Variants in C1orf167 observed in about 807,000 individuals in gnomAD.
C1orf167 encodes the protein chromosome 1 open reading frame 167.
A neutral mutation model predicts 176.5 loss-of-function variants in C1orf167; 153 were observed. The ratio of observed to expected loss-of-function variants is 0.87; its 90% CI spans 0.76 to 0.99. The LOEUF (loss-of-function observed/expected upper bound fraction) is 0.99, where lower values mean the gene tolerates loss of function less well. C1orf167 is among the 50% of genes least tolerant of loss of function. C1orf167 has a pLI of 0.00. For missense variants in C1orf167, 1,490 were observed against 1,817.7 expected (o/e 0.82, Z 3.28); for synonymous variants, 594 against 752.7 (o/e 0.79, Z 3.45).
Position 11,766,869 on chromosome 1 carries a change from T to C in C1orf167, c.1083T>C (p.Ser361=). ...LGSGDSCSPW[S]QDGRAQRGDP... ...CAGGGGACAGCTGCTCCCCCTGGTCTCAAGATGGCAGGGCACAGAGGGGTG... is the reference window on the plus strand; with the variant it reads ...CAGGGGACAGCTGCTCCCCCTGGTCCCAAGATGGCAGGGCACAGAGGGGTG... The change falls in exon 3 of 21, where the codon TCT becomes TCC. Residue 361 remains serine, a synonymous_variant. Coordinates refer to ENST00000688073, the MANE Select transcript of C1orf167 (RefSeq NM_001010881.2). This position sits in a 1 kb window ranked among gnomAD's most constrained non-coding sequence, Gnocchi z 4.5. The C allele has an allele frequency of 1.6e-6, 2 of 1,274,490 alleles. No individual in the cohort carries two copies. The highest frequency in any genetic ancestry group is 2.5e-5 in the South Asian group (2 of 79,134). The allele number at this position is 1,274,490 out of a possible 1,614,324, so 78.9% of individuals were successfully genotyped here.
intron 12 of C1orf167, 90 bp from the exon 13 acceptor site, chr1:11,779,711 TG>T: frequency 9.9e-7 from 1 of 1,005,700 alleles, no homozygotes; most frequent in Non-Finnish European, 1.3e-6. Flanking sequence ...CTCCTGCTGC[TG>T]GGGAGAGGAA....
In C1orf167 at chr1:11,762,215, CTGCCG is replaced by C; in HGVS notation, c.-160_-156del. ...TCCGACGTCCCCTCCCGCCCGCGAC[CTGCCG>C]ACCTGCGGGGATCGTTAGCGGTCCC... On this transcript the variant is annotated 5_prime_UTR_variant, in exon 1 of 21. Transcript: ENST00000688073. 2.2e-6 allele frequency: 1 copy of C among 447,764 alleles called. No homozygotes were observed. Among genetic ancestry groups the C allele is most frequent in the Non-Finnish European group, 4.5e-6 (1 of 220,756 alleles). The allele number at this position is 447,764 out of a possible 1,614,324, so 27.7% of individuals were successfully genotyped here.
In C1orf167 at chr1:11,784,197, T is replaced by C; in HGVS notation, c.3029T>C (p.Val1010Ala). Residue 1010 changes from valine to alanine, a missense_variant, in exon 15 of 21, where the codon GTT becomes GCT. Transcript: ENST00000688073. Reference sequence around the variant, plus strand: ...AGCTACTTCCAGGCCTGGTGTGAGGTTGTAAGAGACACGGGGGTGCTCCGG... The same window carrying C: ...AGCTACTTCCAGGCCTGGTGTGAGGCTGTAAGAGACACGGGGGTGCTCCGG... ...LQSYFQAWCE[V>A]VRDTGVLRAQ... 1 of 1,253,500 alleles carries C rather than the reference T, an allele frequency of 8.0e-7. No individual in the cohort carries two copies. Among genetic ancestry groups the C allele is most frequent in the Non-Finnish European group, 1.0e-6 (1 of 962,720 alleles). 77.6% of individuals were successfully genotyped at this position (1,253,500 alleles called of 1,614,324 possible).
intron 1 of C1orf167, among the ~76,000 whole-genome samples, chr1:11,762,772 G>T (rs1344390198): frequency 6.6e-6 from 1 of 152,214 alleles, no homozygotes. Context: ...CCTGCTGGGG[G>T]TCAGGCATTG....
intron 19 of C1orf167, 61 bp from the exon 20 acceptor site, chr1:11,788,591 G>C: frequency 2.4e-6 from 3 of 1,260,544 alleles, no homozygotes; most frequent in South Asian, 2.5e-5. Context: ...AAAGGCAGAA[G>C]GGCTGGGGAC....
chr1:11,772,051 T>C, intron 7 of C1orf167, 31 bp from the exon 8 acceptor site: 1 of 1,283,526 alleles, frequency 7.8e-7, no homozygotes, highest in Non-Finnish European at 1.0e-6. Flanking sequence ...GCTTACTCTC[T>C]CTTTTCTCTC....
rs1643263858 is a variant in C1orf167 at position 11,775,396 on chromosome 1, C to T, written c.1989-39C>T. On this transcript the variant is annotated intron_variant, in intron 8 of 20. Transcript: ENST00000688073. ...GCAGCTGGAGCCGCAGTCATCAGAT[C>T]TTGCAATTGACATGGGTACTTTCCC... is the stretch of plus-strand genomic sequence containing the variant. 4 of 1,255,910 alleles carry T rather than the reference C, an allele frequency of 3.2e-6. No individual in the cohort carries two copies. The South Asian group carries it at 5.5e-5, about 17-fold the overall frequency. 77.8% of individuals were successfully genotyped at this position (1,255,910 alleles called of 1,614,324 possible).
At chr1:11,769,332 C>T (rs992582805) in intron 6 of C1orf167, among the ~76,000 whole-genome samples, 6 of 152,190 alleles carry the variant, frequency 3.9e-5, no homozygotes, top group Admixed American at 3.9e-4. Flanking sequence ...CACCTATAAT[C>T]CCAACACTTT....
chr1:11,764,663 T>G (rs1281994889), intron 2 of C1orf167, among the ~76,000 whole-genome samples, 193 bp downstream of exon 2: 1 of 151,234 alleles, frequency 6.6e-6, no homozygotes, highest in Admixed American at 6.6e-5. Flanking sequence ...CTTGGGAGAG[T>G]GAGGTCAGGA....
rs1007773338 is a variant in C1orf167, at chr1:11,769,006, C to A, written c.1576C>A (p.Gln526Lys). The stretch of plus-strand genomic sequence containing the variant: ...CCTGGCTTTACAGCAGAAACAAGTA[C>A]AGCCCCACATGCAGGCTGGGCCAGG... ...RNLALQQKQV[Q>K]PHMQAGPGSP... The change falls in exon 6 of 21, where the codon CAG becomes AAG. Residue 526 changes from glutamine to lysine, a missense_variant. Coordinates refer to ENST00000688073, the MANE Select transcript of C1orf167 (RefSeq NM_001010881.2). 1 of 985,798 alleles carries A rather than the reference C, an allele frequency of 1.0e-6. No homozygotes were observed. The highest frequency in any genetic ancestry group is 1.2e-6 in the Non-Finnish European group (1 of 829,976). The allele number at this position is 985,798 out of a possible 1,614,324, so 61.1% of individuals were successfully genotyped here.
At chr1:11,762,833 C>T (rs113107862) in intron 1 of C1orf167, among the ~76,000 whole-genome samples, 6 of 152,318 alleles carry the variant, frequency 3.9e-5, no homozygotes, top group African/African-American at 1.4e-4. Context: ...AAAAAACCAG[C>T]CTGCCCTCGT....
chr1:11,788,091 G>A, intron 18 of C1orf167, 44 bp downstream of exon 18: 1 of 1,279,178 alleles, frequency 7.8e-7, no homozygotes, highest in Non-Finnish European at 1.0e-6. Context: ...CGAGGGATGG[G>A]GGCAAGGGCT....
chr1:11,784,655 T>C (rs1643758567), intron 15 of C1orf167, 62 bp downstream of exon 15: 1 of 1,192,196 alleles, frequency 8.4e-7, no homozygotes, highest in Non-Finnish European at 1.1e-6. Flanking sequence ...TCAAGCCTGT[T>C]TTTGGCAGGG....
rs1280988125 is a variant in C1orf167, at chr1:11,784,407, G to A, written c.3239G>A (p.Arg1080Gln). 6.9e-6 allele frequency: 9 copies of A among 1,303,852 alleles called. No homozygotes were observed. The highest frequency in any genetic ancestry group is 2.5e-5 in the South Asian group (2 of 81,014). The allele number at this position is 1,303,852 out of a possible 1,614,324, so 80.8% of individuals were successfully genotyped here. ...GQEDGQQKKA[R>Q]APQAFPAWPV... is the part of the protein sequence containing the mutation. ...GAAGATGGGCAGCAGAAGAAGGCCC[G>A]GGCCCCACAGGCCTTCCCAGCATGG... The change falls in exon 15 of 21, where the codon CGG (arginine) becomes CAG (glutamine). Residue 1080 changes from arginine (R) to glutamine (Q), a missense_variant. Arg to Gln is a conservative substitution (Grantham distance 43). Coordinates refer to ENST00000688073, the MANE Select transcript of C1orf167 (RefSeq NM_001010881.2).
At chr1:11,778,615 C>A in intron 10 of C1orf167, 45 bp from the exon 11 acceptor site, 2 of 1,262,574 alleles carry the variant, frequency 1.6e-6, no homozygotes. Context: ...CCCTGCACAG[C>A]CTGAGGGTGA....
chr1:11,788,797 C>G, intron 20 of C1orf167, 51 bp downstream of exon 20: 1 of 1,288,424 alleles, frequency 7.8e-7, no homozygotes, highest in Non-Finnish European at 1.0e-6. Flanking sequence ...ACTCAGCCAG[C>G]CTTCCAGAAG....
intron 13 of C1orf167, among the ~76,000 whole-genome samples, chr1:11,781,800 C>T (rs1157658920): frequency 1.3e-5 from 2 of 151,794 alleles, no homozygotes; most frequent in Non-Finnish European, 1.5e-5. Context: ...GTCCCAGCTA[C>T]TCGGGAGGCT....
chr1:11,770,381 T>C (rs1265273289), intron 6 of C1orf167, among the ~76,000 whole-genome samples: 1 of 152,144 alleles, frequency 6.6e-6, no homozygotes, highest in African/African-American at 2.4e-5. Context: ...AGATATTTCA[T>C]TTAAAAATGC....
At chr1:11,779,509 T>C (rs1643491974) in intron 12 of C1orf167, 1 of 243,462 alleles carries the variant, frequency 4.1e-6, no homozygotes, top group South Asian at 5.2e-5. Flanking sequence ...CAATGCCGTG[T>C]GTGGCACGTT....
Sources: gnomAD v4.1 joint callset for allele counts (sites outside exome capture counted in the v4.1 genomes callset) on GRCh38, gnomAD v4.1.1 for gene constraint, Gnocchi (gnomAD v3.1) non-coding constraint, MANE v1.5 for transcripts, NCBI Gene and HGNC (gene_info 2026-07-23, HGNC 2026-07-21) for gene names.